LMF1: variants seen among roughly 807,000 people sequenced by gnomAD.
The protein encoded by LMF1 is transmembrane protein 112.
LMF1 carries 68 observed loss-of-function variants against 60.6 expected under a neutral mutation model. That is an observed-to-expected ratio of 1.12 (90% CI 0.92 to 1.37). The LOEUF (loss-of-function observed/expected upper bound fraction) is 1.37, where lower values mean the gene tolerates loss of function less well. Ranked by LOEUF, LMF1 falls within the 40% of genes most tolerant of loss-of-function variation. The pLI, the probability that LMF1 is intolerant of heterozygous loss-of-function variation, is 0.00. For missense variants in LMF1, 948 were observed against 767.2 expected (o/e 1.24, Z -2.78); for synonymous variants, 418 against 324.7 (o/e 1.29, Z -3.09).
In LMF1 at chr16:897,469, C is replaced by T. The variant is rs894531146; in HGVS notation, c.664-4397G>A. On this transcript the variant is annotated intron_variant, in intron 4 of 10. Coordinates refer to ENST00000262301, the MANE Select transcript of LMF1 (RefSeq NM_022773.4). This position sits in a 1 kb window ranked among gnomAD's most constrained non-coding sequence, Gnocchi z 4.3. The stretch of plus-strand genomic sequence containing the variant: ...CATCCTTCTGGCGTTAGGGTCCCCT[C>T]GCCTGTATCAGTGGCCCTTCCTCCC... Among the ~76,000 whole-genome samples, 1 of 152,342 alleles carries T rather than the reference C, an allele frequency of 6.6e-6. No homozygotes were observed. Among genetic ancestry groups the T allele is most frequent in the East Asian group, 1.9e-4 (1 of 5,174 alleles).
At chr16:979,222 G>A (rs557541368) in intron 1 of LMF1, 3 of 391,606 alleles carry the variant, frequency 7.7e-6, no homozygotes, top group East Asian at 7.3e-5. Context: ...GCTCACACCC[G>A]CGGAGGACGA....
chr16:898,777 A>G (rs12919913), intron 4 of LMF1, among the ~76,000 whole-genome samples: 74,587 of 152,174 alleles, frequency 0.49, 19,616 homozygotes, highest in African/African-American at 0.66. Context: ...CCTAGTCACC[A>G]TACCATGTAA....
intron 3 of LMF1, among the ~76,000 whole-genome samples, chr16:922,564 T>C (rs1385813351): frequency 6.7e-6 from 1 of 150,338 alleles, no homozygotes; most frequent in African/African-American, 2.4e-5. Flanking sequence ...TGTCGTGTTG[T>C]TGCGAAGGCC....
At chr16:933,683 C>T (rs1383831602) in intron 3 of LMF1, 2 of 281,522 alleles carry the variant, frequency 7.1e-6, no homozygotes, top group Admixed American at 4.6e-5. Context: ...ACCAAGCCAC[C>T]GTGTGTCCCA....
chr16:953,144 C>G (rs1450068666), intron 2 of LMF1, among the ~76,000 whole-genome samples: 1 of 132,974 alleles, frequency 7.5e-6, no homozygotes, highest in Admixed American at 7.2e-5. Flanking sequence ...CACAGACACC[C>G]ACCCCAAACC....
At chr16:966,467 A>G (rs1471501017) in intron 1 of LMF1, among the ~76,000 whole-genome samples, 2 of 152,208 alleles carry the variant, frequency 1.3e-5, no homozygotes, top group African/African-American at 4.8e-5. Flanking sequence ...CACCCACGAA[A>G]AGTGCCACAC....
chr16:861,288 C>G (rs548440358), intron 10 of LMF1, among the ~76,000 whole-genome samples: 152 of 150,558 alleles, frequency 1.0e-3, no homozygotes, highest in African/African-American at 1.5e-3. Context: ...TACAGGAATA[C>G]TATTGAATCA....
At chr16:979,953 G>C in intron 1 of LMF1, 2 of 357,404 alleles carry the variant, frequency 5.6e-6, no homozygotes, top group South Asian at 2.1e-5. Context: ...GGGCCTCCAG[G>C]GGGAAGAGGC....
intron 3 of LMF1, among the ~76,000 whole-genome samples, chr16:927,084 G>C (rs1199833948): frequency 6.6e-6 from 1 of 152,186 alleles, no homozygotes; most frequent in Non-Finnish European, 1.5e-5. Flanking sequence ...TCCAGAGATG[G>C]AGCCGAGTCT....
chr16:876,604 G>A (rs1464868437), intron 6 of LMF1, among the ~76,000 whole-genome samples: 2 of 152,140 alleles, frequency 1.3e-5, no homozygotes, highest in Non-Finnish European at 2.9e-5. Flanking sequence ...ATCTAAAAGT[G>A]TTCTAAAATA....
chr16:976,613 G>A (rs764969081), intron 1 of LMF1: 7 of 454,032 alleles, frequency 1.5e-5, no homozygotes, highest in Admixed American at 1.2e-4. Flanking sequence ...CAGACGAGAA[G>A]TGCAGAGAGC....
intron 2 of LMF1, 187 bp downstream of exon 2, chr16:954,170 G>A: frequency 1.4e-6 from 1 of 715,592 alleles, no homozygotes; most frequent in Non-Finnish European, 2.5e-6. Flanking sequence ...TTTTAATCCT[G>A]AAGATGGGTG....
At chr16:980,139 A>C (rs537418217) in intron 1 of LMF1, 2 of 241,526 alleles carry the variant, frequency 8.3e-6, no homozygotes, top group Non-Finnish European at 1.7e-5. Context: ...GGCTGCAGAG[A>C]TGAGACCGCC....
chr16:860,389 G>C (rs1596836575), intron 10 of LMF1, among the ~76,000 whole-genome samples: 1 of 151,744 alleles, frequency 6.6e-6, no homozygotes, highest in African/African-American at 2.4e-5. Flanking sequence ...GCCCAGGCTG[G>C]AGTGTGGTGG....
At chr16:876,398 C>T (rs1458899920) in intron 6 of LMF1, among the ~76,000 whole-genome samples, 4 of 152,174 alleles carry the variant, frequency 2.6e-5, no homozygotes, top group Admixed American at 2.0e-4. Context: ...CACGTGTCGT[C>T]GTCCGTTTGT....
chr16:927,314 C>T (rs1016314847), intron 3 of LMF1, among the ~76,000 whole-genome samples: 1 of 152,216 alleles, frequency 6.6e-6, no homozygotes, highest in African/African-American at 2.4e-5. Flanking sequence ...ACACGCAGGA[C>T]CACAGTCATT....
At chr16:869,772 G>T in intron 9 of LMF1, 111 bp downstream of exon 9, 2 of 1,142,172 alleles carry the variant, frequency 1.8e-6, no homozygotes, top group Non-Finnish European at 2.5e-6. Flanking sequence ...ATCTCTCCCA[G>T]CCTCCCTCCC....
chr16:920,028 G>GC (rs2071391287), intron 3 of LMF1, among the ~76,000 whole-genome samples: 1 of 151,566 alleles, frequency 6.6e-6, no homozygotes, highest in African/African-American at 2.4e-5. Context: ...CACAACATCT[G>GC]CACCGGCCCT....
chr16:956,424 G>T (rs960589470), intron 1 of LMF1, among the ~76,000 whole-genome samples: 10 of 152,140 alleles, frequency 6.6e-5, no homozygotes, highest in Non-Finnish European at 4.4e-5. Context: ...AAGTAAAAAA[G>T]ATACACCATT....
Sources: allele counts gnomAD v4.1 joint callset (sites outside exome capture counted in the v4.1 genomes callset), GRCh38; gene constraint gnomAD v4.1.1; non-coding constraint Gnocchi (gnomAD v3.1); transcripts MANE v1.5; gene names NCBI Gene and HGNC (gene_info 2026-07-23, HGNC 2026-07-21).